The following PUM1 variants were observed in gnomAD, a reference collection of about 807,000 sequenced individuals.
PUM1 encodes the protein pumilio homolog 1.
Under a neutral mutation model 131.8 loss-of-function variants are expected in PUM1, and 13 were observed. That is an observed-to-expected ratio of 0.10 (90% CI 0.06 to 0.16). The LOEUF is 0.16. PUM1 is among the 10% of genes least tolerant of loss of function. The pLI is 1.00. For synonymous variants in PUM1, 509 were observed against 556.5 expected (o/e 0.91, Z 1.20); for missense variants, 961 against 1,512.4 (o/e 0.64, Z 6.05).
chr1:30,966,622 T>G (rs776872419), intron 12 of PUM1, among the ~76,000 whole-genome samples: 3 of 152,262 alleles, frequency 2.0e-5, no homozygotes, highest in Non-Finnish European at 2.9e-5. Context: ...TCTAGAACCA[T>G]GTAATGCACA....
At chr1:31,040,784 T>TA (rs199641795) in intron 2 of PUM1, among the ~76,000 whole-genome samples, 10 of 149,586 alleles carry the variant, frequency 6.7e-5, no homozygotes, top group Admixed American at 2.0e-4. Flanking sequence ...ATTTTATCTT[T>TA]AAAAAAAAAA....
In PUM1 at chr1:31,059,264, G is replaced by A. The variant is rs752581063; in HGVS notation, c.303C>T (p.Gly101=). 1.3e-5 allele frequency: 21 copies of A among 1,612,898 alleles called. No homozygotes were observed. The highest frequency in any genetic ancestry group is 3.3e-5 in the Admixed American group (2 of 59,756). Residue 101 remains glycine, a synonymous_variant, in exon 2 of 22, where the codon GGC becomes GGT. Coordinates refer to ENST00000426105, the MANE Select transcript of PUM1 (RefSeq NM_001020658.2). ...EQLGGGGSGG[G]GYNNSKHRWP... is the part of the protein sequence containing the mutation. ...ATCGATGTTTGCTATTATTATAGCC[G>A]CCTCCTCCACTTCCTCCTCCCCCAA...
chr1:30,972,736 A>G (rs1161009994), intron 10 of PUM1, among the ~76,000 whole-genome samples: 1 of 149,972 alleles, frequency 6.7e-6, no homozygotes, highest in Non-Finnish European at 1.5e-5. Flanking sequence ...AGCTCACTGC[A>G]CTCCAGCCTG....
rs1030301216 is a variant in PUM1 at position 30,932,180 on chromosome 1, T to C, written c.*1031A>G. 4.6e-5 allele frequency: 7 copies of C among 152,646 alleles called. No individual in the cohort carries two copies. Among genetic ancestry groups the C allele is most frequent in the Non-Finnish European group, 7.3e-5 (5 of 68,034 alleles). 9.5% of individuals were successfully genotyped at this position (152,646 alleles called of 1,614,324 possible). A position where few individuals can be genotyped will look rare whatever the true frequency, so the allele number is the denominator to read the frequency against. ...TGCACAGGGCTGGCTAATTCTCTTT[T>C]CTTACCAAAAAACGTGTTTATGTTG... On this transcript the variant is annotated 3_prime_UTR_variant, in exon 22 of 22. Transcript: ENST00000426105.
chr1:31,008,431 G>A (rs538491931), intron 3 of PUM1, among the ~76,000 whole-genome samples: 20 of 151,962 alleles, frequency 1.3e-4, no homozygotes, highest in African/African-American at 3.9e-4. Context: ...GTATTTAATT[G>A]CACAGATACC....
At chr1:31,062,125 C>T (rs1239185949) in intron 1 of PUM1, among the ~76,000 whole-genome samples, 1 of 152,138 alleles carries the variant, frequency 6.6e-6, no homozygotes, top group African/African-American at 2.4e-5. Context: ...GGATTCAAAC[C>T]CTAATCGTTC....
intron 2 of PUM1, among the ~76,000 whole-genome samples, chr1:31,056,977 G>C (rs1644255903): frequency 6.6e-6 from 1 of 152,002 alleles, no homozygotes. Context: ...ATTTTTAGTA[G>C]AGACAGGGTT....
At chr1:31,001,731 T>G in intron 5 of PUM1, among the ~76,000 whole-genome samples, 1 of 152,214 alleles carries the variant, frequency 6.6e-6, no homozygotes, top group Non-Finnish European at 1.5e-5. Context: ...ATTGCCTTTT[T>G]CACAATGCCC....
At chr1:31,014,719 G>A (rs1238819545) in intron 3 of PUM1, among the ~76,000 whole-genome samples, 2 of 151,772 alleles carry the variant, frequency 1.3e-5, no homozygotes, top group South Asian at 2.1e-4. Context: ...AACCCAGGAG[G>A]CGGAGGTTAC....
intron 2 of PUM1, among the ~76,000 whole-genome samples, chr1:31,045,377 A>G (rs1338640306): frequency 2.0e-5 from 3 of 151,864 alleles, no homozygotes; most frequent in African/African-American, 7.3e-5. Context: ...GCCTCAGACG[A>G]TCCACCCACC....
chr1:31,046,377 ACT>A (rs1304443450), intron 2 of PUM1, among the ~76,000 whole-genome samples: 1 of 152,038 alleles, frequency 6.6e-6, no homozygotes, highest in African/African-American at 2.4e-5. Context: ...CAAGAGTGAA[ACT>A]CTCTCTCAAA....
chr1:31,030,806 C>G (rs1643402523), intron 2 of PUM1, among the ~76,000 whole-genome samples: 1 of 152,126 alleles, frequency 6.6e-6, no homozygotes, highest in African/African-American at 2.4e-5. Context: ...CAAAAAGATA[C>G]AGTTGCATTA....
intron 2 of PUM1, among the ~76,000 whole-genome samples, chr1:31,054,306 A>G (rs1411072359): frequency 6.6e-6 from 1 of 151,966 alleles, no homozygotes; most frequent in Non-Finnish European, 1.5e-5. Flanking sequence ...AGCCTCGGCA[A>G]CAGGAGTGAA....
intron 2 of PUM1, among the ~76,000 whole-genome samples, chr1:31,034,879 G>A (rs1204914796): frequency 4.6e-5 from 7 of 152,102 alleles, no homozygotes; most frequent in African/African-American, 1.4e-4. Flanking sequence ...CAGAATCGTT[G>A]ATGCCAGGAA....
intron 2 of PUM1, among the ~76,000 whole-genome samples, chr1:31,040,498 C>CT (rs1419118540): frequency 4.6e-5 from 7 of 152,194 alleles, no homozygotes; most frequent in Non-Finnish European, 1.0e-4. Flanking sequence ...AAAAATAGCA[C>CT]TAGTATGCTG....
intron 20 of PUM1, among the ~76,000 whole-genome samples, chr1:30,939,469 C>T (rs1157631800): frequency 1.3e-5 from 2 of 152,226 alleles, no homozygotes; most frequent in Non-Finnish European, 2.9e-5. Context: ...CCTATTCCAG[C>T]TTTAGCTGCC....
In PUM1 at chr1:31,065,633, G is replaced by T. The variant is rs1299211408; in HGVS notation, c.-29C>A. On this transcript the variant is annotated 5_prime_UTR_variant, in exon 1 of 22. Coordinates refer to ENST00000426105, the MANE Select transcript of PUM1 (RefSeq NM_001020658.2). The stretch of plus-strand genomic sequence containing the variant: ...ATACTCACGGGCGGAGCGGTAGGAT[G>T]AAGATGGATTTCAGCCCCCCGATCT... The T allele has an allele frequency of 1.3e-6, 2 of 1,548,750 alleles. No individual in the cohort carries two copies. Among genetic ancestry groups the T allele is most frequent in the African/African-American group, 1.4e-5 (1 of 72,996 alleles).
rs755628580 is a variant in PUM1, at chr1:30,995,095, T to C, written c.846A>G (p.Leu282=). The change falls in exon 6 of 22, where the codon TTA becomes TTG. Residue 282 remains leucine, a synonymous_variant. Transcript: ENST00000426105. ...CTGCATCAATCCCATTCTGCACTGG[T>C]AAACCATTGGTCTTGTCCATCACAT... is the stretch of plus-strand genomic sequence containing the variant. ...EGDVMDKTNG[L]PVQNGIDADV... 5.6e-6 allele frequency: 9 copies of C among 1,614,082 alleles called. No individual in the cohort carries two copies. In the East Asian group the frequency reaches 1.3e-4, roughly 24 times the overall value.
chr1:30,978,101 C>T (rs1004412830), intron 9 of PUM1, among the ~76,000 whole-genome samples: 5 of 152,028 alleles, frequency 3.3e-5, no homozygotes, highest in Admixed American at 6.6e-5. Flanking sequence ...AAAAATTAGC[C>T]AGGCGTGGTG....
Sources: gnomAD v4.1 joint callset for allele counts (sites outside exome capture counted in the v4.1 genomes callset) on GRCh38, gnomAD v4.1.1 for gene constraint, MANE v1.5 for transcripts, NCBI Gene and HGNC (gene_info 2026-07-23, HGNC 2026-07-21) for gene names.